Variants in TBC1D22A observed in about 807,000 individuals in gnomAD.
TBC1D22A encodes TBC1 domain family member 22A, also known as putative GTPase activator.
Under a neutral mutation model 60.2 loss-of-function variants are expected in TBC1D22A, and 38 were observed. The ratio of observed to expected loss-of-function variants is 0.63; its 90% CI spans 0.49 to 0.83. TBC1D22A has a LOEUF of 0.83. Ranked by LOEUF, TBC1D22A falls within the 40% of genes least tolerant of loss-of-function variation. The pLI, the probability that TBC1D22A is intolerant of heterozygous loss-of-function variation, is 0.00. For missense variants in TBC1D22A, 628 were observed against 701.0 expected, an observed-to-expected ratio of 0.90 and a Z score of 1.18; for synonymous variants, 302 against 281.7, an observed-to-expected ratio of 1.07 and a Z score of -0.72.
chr22:47,062,888 A>G (rs1467650807), intron 11 of TBC1D22A, among the ~76,000 whole-genome samples: 4 of 150,778 alleles, frequency 2.7e-5, no homozygotes, highest in Admixed American at 6.6e-5. Flanking sequence ...GGCTCATAGG[A>G]CCGCACTCCA....
At chr22:47,120,830 AC>A (rs1325762712) in intron 12 of TBC1D22A, among the ~76,000 whole-genome samples, 2 of 152,108 alleles carry the variant, frequency 1.3e-5, no homozygotes, top group Non-Finnish European at 2.9e-5. Context: ...TGTCTGAAAA[AC>A]CCTATGCTAA....
chr22:46,840,535 C>G (rs2086706168), intron 4 of TBC1D22A, among the ~76,000 whole-genome samples: 1 of 152,052 alleles, frequency 6.6e-6, no homozygotes, highest in African/African-American at 2.4e-5. Flanking sequence ...AAGTTTGAGA[C>G]CAGCCTGGCC....
intron 4 of TBC1D22A, among the ~76,000 whole-genome samples, chr22:46,852,863 G>A (rs2087357012): frequency 6.8e-6 from 1 of 147,158 alleles, no homozygotes; most frequent in Admixed American, 6.6e-5. Flanking sequence ...GCCCGTCCTG[G>A]AGTTCCATGT....
At chr22:46,944,526 G>A (rs542649826) in intron 8 of TBC1D22A, among the ~76,000 whole-genome samples, 63 of 152,220 alleles carry the variant, frequency 4.1e-4, no homozygotes, top group African/African-American at 1.3e-3. Context: ...AGCCTCCCAA[G>A]TAGCTGGGAC....
intron 10 of TBC1D22A, among the ~76,000 whole-genome samples, chr22:47,036,174 C>T (rs557896267): frequency 8.5e-5 from 13 of 152,196 alleles, no homozygotes; most frequent in East Asian, 3.9e-4. Context: ...GGTGCACCTG[C>T]GTTTTAAAAA....
At chr22:47,143,746 G>A (rs2067190088) in intron 12 of TBC1D22A, among the ~76,000 whole-genome samples, 1 of 152,246 alleles carries the variant, frequency 6.6e-6, no homozygotes, top group East Asian at 1.9e-4. Flanking sequence ...CAGCTGAGCT[G>A]TTGATGCTCC....
intron 8 of TBC1D22A, among the ~76,000 whole-genome samples, chr22:46,933,921 G>A (rs967349521): frequency 1.3e-5 from 2 of 152,252 alleles, no homozygotes; most frequent in Non-Finnish European, 2.9e-5. Context: ...TTGAGGCTGT[G>A]TGGCCAGGTG....
chr22:46,817,707 A>G (rs1390175361), intron 4 of TBC1D22A, among the ~76,000 whole-genome samples: 6 of 152,230 alleles, frequency 3.9e-5, no homozygotes, highest in African/African-American at 1.4e-4. Context: ...ATAGTGTTGC[A>G]GTAAACATAT....
intron 6 of TBC1D22A, 117 bp downstream of exon 6, chr22:46,891,511 C>A: frequency 1.9e-6 from 2 of 1,068,920 alleles, no homozygotes; most frequent in Non-Finnish European, 2.6e-6. Flanking sequence ...AGATGCAGGT[C>A]CCTGATTAGC....
intron 7 of TBC1D22A, among the ~76,000 whole-genome samples, chr22:46,906,716 C>CAGAT (rs758722226): frequency 2.6e-5 from 4 of 152,248 alleles, no homozygotes; most frequent in Non-Finnish European, 4.4e-5. Context: ...ATGTACTTCC[C>CAGAT]AGATAGACCC....
At chr22:47,077,369 C>T (rs1300771198) in intron 11 of TBC1D22A, among the ~76,000 whole-genome samples, 1 of 152,186 alleles carries the variant, frequency 6.6e-6, no homozygotes, top group African/African-American at 2.4e-5. Flanking sequence ...ATGTGACTTA[C>T]TTGTGGCTAA....
intron 8 of TBC1D22A, among the ~76,000 whole-genome samples, chr22:46,948,588 G>A (rs1008520352): frequency 6.6e-6 from 1 of 152,242 alleles, no homozygotes; most frequent in Non-Finnish European, 1.5e-5. Context: ...TGGTCTCTCT[G>A]TGTTCCGTGG....
chr22:46,909,627 T>C (rs1214938689), intron 7 of TBC1D22A, among the ~76,000 whole-genome samples: 2 of 152,324 alleles, frequency 1.3e-5, no homozygotes, highest in Non-Finnish European at 2.9e-5. Context: ...TCACCGCCTC[T>C]GTGTCATTCC....
intron 10 of TBC1D22A, among the ~76,000 whole-genome samples, chr22:47,017,243 A>G (rs1375137644): frequency 6.6e-6 from 1 of 152,180 alleles, no homozygotes; most frequent in Non-Finnish European, 1.5e-5. Context: ...GGAAAATTGC[A>G]TTTTGTATGA....
chr22:46,786,073 CTCA>C (rs1378551750), intron 1 of TBC1D22A, among the ~76,000 whole-genome samples: 2 of 152,220 alleles, frequency 1.3e-5, no homozygotes, highest in Non-Finnish European at 2.9e-5. Context: ...TGAGCCACCT[CTCA>C]TCCTTGTCTT....
chr22:46,997,223 C>T (rs966433977), intron 9 of TBC1D22A, among the ~76,000 whole-genome samples: 1 of 152,242 alleles, frequency 6.6e-6, no homozygotes, highest in Non-Finnish European at 1.5e-5. Context: ...CACCGGGCAC[C>T]TTTGCCGTTG....
Position 46,812,679 on chromosome 22 carries a change from C to T in TBC1D22A, c.637+15059C>T, listed in dbSNP as rs988253828. 3.3e-5 allele frequency among the ~76,000 whole-genome samples: 5 copies of T among 152,114 alleles called. No homozygotes were observed. In the South Asian group the frequency reaches 6.2e-4, roughly 19 times the overall value. ...TTGGCAGAAGGCTCACTGTGTTTAG[C>T]GAAAATGGATTTTAGTTGAAGATGC... On this transcript the variant is annotated intron_variant, in intron 4 of 12. Transcript: ENST00000337137.
At chr22:46,961,296 A>T (rs1023235145) in intron 8 of TBC1D22A, among the ~76,000 whole-genome samples, 3 of 152,232 alleles carry the variant, frequency 2.0e-5, no homozygotes, top group Non-Finnish European at 4.4e-5. Flanking sequence ...GTCAAGAATC[A>T]TCCACCTTCC....
At chr22:46,911,058 C>A (rs2069881131) in intron 7 of TBC1D22A, among the ~76,000 whole-genome samples, 1 of 152,066 alleles carries the variant, frequency 6.6e-6, no homozygotes, top group African/African-American at 2.4e-5. Context: ...GAGGAGCATG[C>A]AGAGGTCTTC....
Sources: gnomAD v4.1 joint callset for allele counts (sites outside exome capture counted in the v4.1 genomes callset) on GRCh38, gnomAD v4.1.1 for gene constraint, MANE v1.5 for transcripts, NCBI Gene and HGNC (gene_info 2026-07-23, HGNC 2026-07-21) for gene names.